Variants in ADARB2 observed in about 807,000 individuals in gnomAD.
The protein encoded by ADARB2 is inactive double-stranded RNA-specific editase B2.
ADARB2 carries 25 observed loss-of-function variants against 62.2 expected under a neutral mutation model. The ratio of observed to expected loss-of-function variants is 0.40; its 90% confidence interval spans 0.29 to 0.56. The LOEUF is 0.56. Among genes scored for constraint, ADARB2 ranks in the 20% least tolerant of loss-of-function variants. The pLI, the probability that ADARB2 is intolerant of heterozygous loss-of-function variation, is 0.43. For synonymous variants in ADARB2, 572 were observed against 500.8 expected, an observed-to-expected ratio of 1.14 and a Z score of -1.90; for missense variants, 1,071 against 1,077.4, an observed-to-expected ratio of 0.99 and a Z score of 0.08.
chr10:1,402,121 G>A (rs2805521), intron 1 of ADARB2, among the ~76,000 whole-genome samples: 105,582 of 152,112 alleles, frequency 0.69, 37,081 homozygotes, highest in East Asian at 0.99. Flanking sequence ...CCTGGCTAAT[G>A]TCTTGGGAAC....
At chr10:1,544,450 G>A (rs1036871371) in intron 1 of ADARB2, among the ~76,000 whole-genome samples, 1 of 152,186 alleles carries the variant, frequency 6.6e-6, no homozygotes, top group African/African-American at 2.4e-5. Context: ...CTTTTCACAC[G>A]GGACGTGGAC....
rs1836678217 is a variant in ADARB2, at chr10:1,181,735, A to G, written c.*1458T>C. On this transcript the variant is annotated 3_prime_UTR_variant, in exon 10 of 10. Transcript: ENST00000381312. The stretch of plus-strand genomic sequence containing the variant: ...CCACACCCCAGAGGTGGACACCACC[A>G]TGCTTTGCCGTCTGCCATCACTGTC... The G allele has an allele frequency of 1.3e-5, 2 of 152,234 alleles. No homozygotes were observed. Among genetic ancestry groups the G allele is most frequent in the Admixed American group, 6.5e-5 (1 of 15,278 alleles). 9.4% of individuals were successfully genotyped at this position (152,234 alleles called of 1,614,324 possible). A position where few individuals can be genotyped will look rare whatever the true frequency, so the allele number is the denominator to read the frequency against.
chr10:1,670,363 C>T (rs1027236343), intron 1 of ADARB2, among the ~76,000 whole-genome samples: 21 of 152,190 alleles, frequency 1.4e-4, no homozygotes, highest in Admixed American at 1.0e-3. Flanking sequence ...GAGGACTGAA[C>T]CCAGCAGCAG....
intron 3 of ADARB2, among the ~76,000 whole-genome samples, chr10:1,284,405 T>C (rs151177546): frequency 1.2e-4 from 19 of 152,260 alleles, no homozygotes; most frequent in African/African-American, 3.9e-4. Flanking sequence ...AGGTGAATTA[T>C]GAGGATGCTC....
intron 1 of ADARB2, among the ~76,000 whole-genome samples, chr10:1,433,679 T>G (rs578179319): frequency 1.4e-4 from 22 of 151,858 alleles, no homozygotes; most frequent in Non-Finnish European, 1.9e-4. Context: ...AACCCTGAGT[T>G]GGGATGAGGA....
At chr10:1,527,165 G>A (rs1832157596) in intron 1 of ADARB2, among the ~76,000 whole-genome samples, 1 of 152,132 alleles carries the variant, frequency 6.6e-6, no homozygotes, top group African/African-American at 2.4e-5. Flanking sequence ...TTCTCCCTCC[G>A]CTTCCCTCAG....
chr10:1,594,697 A>G (rs1243260668), intron 1 of ADARB2, among the ~76,000 whole-genome samples: 1 of 152,146 alleles, frequency 6.6e-6, no homozygotes, highest in Non-Finnish European at 1.5e-5. Context: ...TTAACAGTTA[A>G]AGCAGCTTAG....
At chr10:1,429,048 T>G (rs760440226) in intron 1 of ADARB2, among the ~76,000 whole-genome samples, 17 of 151,242 alleles carry the variant, frequency 1.1e-4, no homozygotes, top group Admixed American at 2.0e-4. Context: ...GTCTATATTC[T>G]GGTCTGAATA....
intron 2 of ADARB2, among the ~76,000 whole-genome samples, chr10:1,372,305 T>A (rs1264647528): frequency 8.8e-6 from 1 of 113,780 alleles, no homozygotes; most frequent in African/African-American, 2.7e-5. Flanking sequence ...CACTGAGGAC[T>A]TGAGAAGGGG....
chr10:1,542,985 G>T (rs558672084), intron 1 of ADARB2, among the ~76,000 whole-genome samples: 1 of 151,862 alleles, frequency 6.6e-6, no homozygotes, highest in Non-Finnish European at 1.5e-5. Flanking sequence ...CTGTCCGTCC[G>T]CCCGAGCAGA....
At chr10:1,692,422 G>A (rs1588354457) in intron 1 of ADARB2, among the ~76,000 whole-genome samples, 1 of 152,192 alleles carries the variant, frequency 6.6e-6, no homozygotes, top group South Asian at 2.1e-4. Flanking sequence ...CTGTTCTTGG[G>A]CCACTTTTAG....
At chr10:1,254,428 G>A (rs1446652520) in intron 4 of ADARB2, among the ~76,000 whole-genome samples, 1 of 152,208 alleles carries the variant, frequency 6.6e-6, no homozygotes, top group Non-Finnish European at 1.5e-5. Flanking sequence ...AAGATGTCAA[G>A]CAAGTTTTGG....
At chr10:1,594,570 G>A (rs571679243) in intron 1 of ADARB2, among the ~76,000 whole-genome samples, 2 of 152,266 alleles carry the variant, frequency 1.3e-5, no homozygotes, top group African/African-American at 4.8e-5. Context: ...TGAGTGGGCT[G>A]AGCAAACACC....
At chr10:1,555,341 T>C (rs1202244611) in intron 1 of ADARB2, among the ~76,000 whole-genome samples, 1 of 152,248 alleles carries the variant, frequency 6.6e-6, no homozygotes, top group Non-Finnish European at 1.5e-5. Flanking sequence ...CAACAGCGAA[T>C]AAGTGTTCCC....
intron 2 of ADARB2, among the ~76,000 whole-genome samples, chr10:1,377,442 G>A (rs890997057): frequency 7.8e-6 from 1 of 128,644 alleles, no homozygotes; most frequent in African/African-American, 3.0e-5. Context: ...TATGCTCCTG[G>A]GGTGTGCATA....
chr10:1,342,521 C>G (rs941931220), intron 3 of ADARB2, among the ~76,000 whole-genome samples: 17 of 152,206 alleles, frequency 1.1e-4, no homozygotes, highest in Non-Finnish European at 2.5e-4. Flanking sequence ...CAGTCTTTCC[C>G]TCTCTCCTCC....
At chr10:1,511,116 T>C (rs1031093135) in intron 1 of ADARB2, among the ~76,000 whole-genome samples, 2 of 152,190 alleles carry the variant, frequency 1.3e-5, no homozygotes, top group Non-Finnish European at 2.9e-5. Flanking sequence ...AATGCTGGGA[T>C]TACAGATGTG....
At chr10:1,387,661 T>C (rs1444689888) in intron 1 of ADARB2, among the ~76,000 whole-genome samples, 1 of 151,974 alleles carries the variant, frequency 6.6e-6, no homozygotes, top group African/African-American at 2.4e-5. Flanking sequence ...TCTGGTGAAC[T>C]GCAAGAAATA....
intron 4 of ADARB2, among the ~76,000 whole-genome samples, chr10:1,249,601 T>G (rs980443636): frequency 4.6e-5 from 7 of 150,810 alleles, no homozygotes; most frequent in African/African-American, 1.7e-4. Context: ...ATTTTTTTCC[T>G]GAATGTGATT....
Sources: gnomAD v4.1 joint callset for allele counts (sites outside exome capture counted in the v4.1 genomes callset) on GRCh38, gnomAD v4.1.1 for gene constraint, MANE v1.5 for transcripts, NCBI Gene and HGNC (gene_info 2026-07-23, HGNC 2026-07-21) for gene names.